Variants in ADAMTS19 observed in about 807,000 individuals in gnomAD.
ADAMTS19 encodes A disintegrin and metalloproteinase with thrombospondin motifs 19.
In ADAMTS19, 93 loss-of-function variants were observed where a neutral mutation model predicts 153.3. The ratio of observed to expected loss-of-function variants is 0.61; its 90% confidence interval spans 0.51 to 0.72. The LOEUF (loss-of-function observed/expected upper bound fraction) is 0.72, where lower values mean the gene tolerates loss of function less well. Ranked by LOEUF, ADAMTS19 falls within the 30% of genes least tolerant of loss-of-function variation. The pLI is 0.00. For missense variants in ADAMTS19, 1,482 were observed against 1,552.1 expected, an observed-to-expected ratio of 0.95 and a Z score of 0.76; for synonymous variants, 600 against 556.6, an observed-to-expected ratio of 1.08 and a Z score of -1.10.
chr5:129,492,120 C>A (rs538514910), intron 2 of ADAMTS19, among the ~76,000 whole-genome samples: 1 of 152,224 alleles, frequency 6.6e-6, no homozygotes, highest in African/African-American at 2.4e-5. Flanking sequence ...AGGAAACTTA[C>A]AATCATGGCA....
At chr5:129,722,834 A>G (rs1757059792) in intron 21 of ADAMTS19, among the ~76,000 whole-genome samples, 1 of 152,160 alleles carries the variant, frequency 6.6e-6, no homozygotes, top group Non-Finnish European at 1.5e-5. Context: ...CTCCTGTCTC[A>G]TTCATCTTTT....
intron 7 of ADAMTS19, among the ~76,000 whole-genome samples, chr5:129,561,631 G>A (rs1753521937): frequency 6.6e-6 from 1 of 152,092 alleles, no homozygotes; most frequent in Non-Finnish European, 1.5e-5. Context: ...TGTGGAATGG[G>A]ACAATGTAGA....
intron 7 of ADAMTS19, among the ~76,000 whole-genome samples, chr5:129,584,532 T>A (rs1031138650): frequency 6.6e-6 from 1 of 152,154 alleles, no homozygotes; most frequent in African/African-American, 2.4e-5. Flanking sequence ...CACAGGGAGA[T>A]GGGAGTTTGA....
intron 3 of ADAMTS19, among the ~76,000 whole-genome samples, chr5:129,509,848 G>A (rs1035787500): frequency 6.6e-6 from 1 of 151,814 alleles, no homozygotes; most frequent in African/African-American, 2.4e-5. Context: ...TTCTTTACAG[G>A]AACAAAATGA....
At chr5:129,493,776 A>T (rs1750844149) in intron 2 of ADAMTS19, among the ~76,000 whole-genome samples, 1 of 152,164 alleles carries the variant, frequency 6.6e-6, no homozygotes, top group East Asian at 1.9e-4. Flanking sequence ...AATATTTTTA[A>T]CGTCTTGGCT....
chr5:129,732,373 G>C lies in ADAMTS19; in HGVS notation c.3313-2559G>C, dbSNP rs1349434458. On this transcript the variant is annotated intron_variant, in intron 21 of 22. Coordinates refer to ENST00000274487, the MANE Select transcript of ADAMTS19 (RefSeq NM_133638.6). Reference sequence around the variant, plus strand: ...ATAAAACATCCAAATTTTAAAAGGGGAAGTCAAATTATCTGTGTTTGCTGA... The same window carrying C: ...ATAAAACATCCAAATTTTAAAAGGGCAAGTCAAATTATCTGTGTTTGCTGA... Among the ~76,000 whole-genome samples, 6 of 152,024 alleles carry C rather than the reference G, an allele frequency of 3.9e-5. No individual in the cohort carries two copies. The East Asian group carries it at 1.2e-3, about 29-fold the overall frequency.
intron 8 of ADAMTS19, among the ~76,000 whole-genome samples, chr5:129,616,337 G>A (rs1472098591): frequency 6.6e-6 from 1 of 151,754 alleles, no homozygotes; most frequent in Non-Finnish European, 1.5e-5. Context: ...TTTTATTAAT[G>A]TTTCCACATA....
At chr5:129,720,174 A>ATATATATATATATATATATT (rs1463139553) in intron 21 of ADAMTS19, among the ~76,000 whole-genome samples, 3 of 113,330 alleles carry the variant, frequency 2.6e-5, no homozygotes, top group African/African-American at 1.4e-4. Flanking sequence ...ATATATATTT[A>ATATATATATATATATATATT]TTTTTTTTTT....
At chr5:129,549,713 G>A (rs913049641) in intron 6 of ADAMTS19, among the ~76,000 whole-genome samples, 2 of 150,850 alleles carry the variant, frequency 1.3e-5, no homozygotes, top group Non-Finnish European at 3.0e-5. Context: ...AATGTAATGA[G>A]CATATATGGA....
In ADAMTS19 at chr5:129,505,851, A is replaced by G. The variant is rs143686937; in HGVS notation, c.748-3226A>G. On this transcript the variant is annotated intron_variant, in intron 2 of 22. Coordinates refer to ENST00000274487, the MANE Select transcript of ADAMTS19 (RefSeq NM_133638.6). ...TACATCCAGATATTTACATGAAATG[A>G]CTCGAGTTAAAATTATTTTGAAAAA... Among the ~76,000 whole-genome samples the G allele has an allele frequency of 1.3e-4, 20 of 152,284 alleles. No homozygotes were observed. In the East Asian group the frequency reaches 3.9e-3, roughly 29 times the overall value.
intron 6 of ADAMTS19, among the ~76,000 whole-genome samples, chr5:129,543,331 C>T (rs544277272): frequency 6.6e-5 from 10 of 152,038 alleles, no homozygotes; most frequent in South Asian, 4.1e-4. Flanking sequence ...GAATTACAGG[C>T]GTGAGCCACT....
At chr5:129,631,189 A>G (rs1289121750) in intron 10 of ADAMTS19, among the ~76,000 whole-genome samples, 1 of 139,944 alleles carries the variant, frequency 7.1e-6, no homozygotes, top group African/African-American at 2.7e-5. Flanking sequence ...TTTATCACTT[A>G]AGCATTCACC....
At chr5:129,463,547 A>AT (rs1561526208) in intron 2 of ADAMTS19, among the ~76,000 whole-genome samples, 1 of 152,196 alleles carries the variant, frequency 6.6e-6, no homozygotes. Flanking sequence ...GAAAACTGCC[A>AT]TTGCCAGTGT....
At chr5:129,722,859 G>A (rs1189705445) in intron 21 of ADAMTS19, among the ~76,000 whole-genome samples, 1 of 152,126 alleles carries the variant, frequency 6.6e-6, no homozygotes, top group Non-Finnish European at 1.5e-5. Flanking sequence ...TAGAAGAAAG[G>A]ATTTCACACC....
chr5:129,566,525 C>T (rs1472510540), intron 7 of ADAMTS19, among the ~76,000 whole-genome samples: 3 of 152,146 alleles, frequency 2.0e-5, no homozygotes, highest in Non-Finnish European at 4.4e-5. Context: ...TGAAGTGCCA[C>T]CAAACCAGCA....
At chr5:129,464,104 G>A (rs1749778706) in intron 2 of ADAMTS19, among the ~76,000 whole-genome samples, 1 of 152,192 alleles carries the variant, frequency 6.6e-6, no homozygotes, top group Non-Finnish European at 1.5e-5. Context: ...AGAGGGAGGA[G>A]ACTGAGTGCA....
At chr5:129,555,155 G>T (rs1391233621) in intron 7 of ADAMTS19, among the ~76,000 whole-genome samples, 1 of 151,826 alleles carries the variant, frequency 6.6e-6, no homozygotes, top group Non-Finnish European at 1.5e-5. Context: ...GGGAAGAAGT[G>T]GATTTAGTAT....
At position 129,527,602 on chromosome 5, in the gene ADAMTS19, C is replaced by CAAA; in HGVS notation, c.1087-146_1087-145insAAA. 7.8e-6 allele frequency: 3 copies of CAAA among 384,146 alleles called. 1 individual carries two copies. The highest frequency in any genetic ancestry group is 1.3e-5 in the Non-Finnish European group (3 of 224,168). 23.8% of individuals were successfully genotyped at this position (384,146 alleles called of 1,614,324 possible). A position where few individuals can be genotyped will look rare whatever the true frequency, so the allele number is the denominator to read the frequency against. ...ATTCAATGTAACAAATAAAAAATTACTTTGCTTTACAAGCTTTTTTTTTTT... is the reference window on the plus strand; with the variant it reads ...ATTCAATGTAACAAATAAAAAATTACAAATTTGCTTTACAAGCTTTTTTTTTTT... On this transcript the variant is annotated intron_variant, in intron 4 of 22. Transcript: ENST00000274487.
At chr5:129,467,860 T>C (rs778328716) in intron 2 of ADAMTS19, among the ~76,000 whole-genome samples, 8 of 152,218 alleles carry the variant, frequency 5.3e-5, no homozygotes, top group Non-Finnish European at 7.3e-5. Flanking sequence ...GTAACCAGGG[T>C]TATCTGCTTA....
Sources: gnomAD v4.1 joint callset for allele counts (sites outside exome capture counted in the v4.1 genomes callset) on GRCh38, gnomAD v4.1.1 for gene constraint, MANE v1.5 for transcripts, NCBI Gene and HGNC (gene_info 2026-07-23, HGNC 2026-07-21) for gene names.